The following ZNF316 variants were observed in gnomAD, a reference collection of about 807,000 sequenced individuals.
The protein encoded by ZNF316 is zinc finger protein 316.
ZNF316 carries 23 observed loss-of-function variants against 75.6 expected under a neutral mutation model. The observed-to-expected ratio is 0.30, with a 90% CI of 0.22 to 0.43. The LOEUF (loss-of-function observed/expected upper bound fraction) is 0.43, where lower values mean the gene tolerates loss of function less well. ZNF316 is among the 20% of genes least tolerant of loss of function. The pLI is 1.00. For missense variants in ZNF316, 1,266 were observed against 1,409.4 expected (o/e 0.90, Z 1.63); for synonymous variants, 827 against 666.2 (o/e 1.24, Z -3.72).
chr7:6,644,557 C>G lies in ZNF316; in HGVS notation c.670C>G (p.Pro224Ala). Reference protein sequence around the residue: ...EEPWVPDSPRPEEGDIVTGVY... With the variant: ...EEPWVPDSPRAEEGDIVTGVY... ...ACCTTGGGTCCCAGATAGTCCCCGA[C>G]CTGAGGAAGGAGACATCGTCACTGG... Residue 224 changes from proline (P) to alanine (A), a missense_variant, in exon 8 of 9, where the codon CCT (proline) becomes GCT (alanine). Transcript: ENST00000382252. 8.1e-7 allele frequency: 1 copy of G among 1,232,304 alleles called. No individual in the cohort carries two copies. Among genetic ancestry groups the G allele is most frequent in the South Asian group, 4.1e-5 (1 of 24,322 alleles). 76.3% of individuals were successfully genotyped at this position (1,232,304 alleles called of 1,614,324 possible). A position where few individuals can be genotyped will look rare whatever the true frequency, so the allele number is the denominator to read the frequency against.
chr7:6,637,479 G>T lies in ZNF316; in HGVS notation c.-431+32G>T. The T allele has an allele frequency of 6.8e-6, 1 of 146,434 alleles. No homozygotes were observed. Among genetic ancestry groups the T allele is most frequent in the South Asian group, 1.9e-4 (1 of 5,386 alleles). 9.1% of individuals were successfully genotyped at this position (146,434 alleles called of 1,614,324 possible). A position where few individuals can be genotyped will look rare whatever the true frequency, so the allele number is the denominator to read the frequency against. On this transcript the variant is annotated intron_variant, in intron 1 of 8. Coordinates refer to ENST00000382252, the MANE Select transcript of ZNF316 (RefSeq NM_001278559.2). The surrounding 1 kb of genome is among the most constrained non-coding windows in gnomAD (Gnocchi z 6.2). ...GGGTCTCGCGGGGCCGGTGGGCGGC[G>T]GCGCGGGCGGCAGGTGCGGGCGGGC...
intron 8 of ZNF316, among the ~76,000 whole-genome samples, chr7:6,647,892 C>G (rs1779436392): frequency 6.6e-6 from 1 of 152,168 alleles, no homozygotes; most frequent in South Asian, 2.1e-4. Flanking sequence ...GGGCCACTGT[C>G]TTCCCCACAG....
intron 8 of ZNF316, among the ~76,000 whole-genome samples, chr7:6,645,028 T>C (rs2253738): frequency 0.27 from 40,932 of 152,192 alleles, 6,144 homozygotes; most frequent in East Asian, 0.52. Flanking sequence ...TGGAGCACCA[T>C]GGGCAGGACT....
chr7:6,647,821 A>G (rs1779434687), intron 8 of ZNF316, among the ~76,000 whole-genome samples: 1 of 151,990 alleles, frequency 6.6e-6, no homozygotes, highest in Non-Finnish European at 1.5e-5. Context: ...GTGATGTGAG[A>G]TGTGTGTGGG....
chr7:6,648,113 A>G (rs1299016369), intron 8 of ZNF316, among the ~76,000 whole-genome samples: 2 of 152,184 alleles, frequency 1.3e-5, no homozygotes, highest in Non-Finnish European at 2.9e-5. Flanking sequence ...GGCTTTGGTG[A>G]TGCCGACGAG....
intron 8 of ZNF316, among the ~76,000 whole-genome samples, chr7:6,651,224 G>A (rs891286885): frequency 5.9e-5 from 9 of 151,964 alleles, no homozygotes; most frequent in African/African-American, 1.7e-4. Flanking sequence ...CTGGGCGCAC[G>A]CCTGTAACTC....
Position 6,657,987 on chromosome 7 carries a change from G to A in ZNF316, c.*3376G>A, listed in dbSNP as rs904179051. 6.6e-6 allele frequency among the ~76,000 whole-genome samples: 1 copy of A among 152,140 alleles called. No homozygotes were observed. Among genetic ancestry groups the A allele is most frequent in the African/African-American group, 2.4e-5 (1 of 41,414 alleles). On this transcript the variant is annotated 3_prime_UTR_variant, in exon 9 of 9. Coordinates refer to ENST00000382252, the MANE Select transcript of ZNF316 (RefSeq NM_001278559.2). Reference sequence around the variant, plus strand: ...GTAGACACCCTTTATTGCCAAGGAGGAATTAAACCCTAGTGACTTGTGAAA... The same window carrying A: ...GTAGACACCCTTTATTGCCAAGGAGAAATTAAACCCTAGTGACTTGTGAAA...
chr7:6,647,339 C>A (rs1458756737), intron 8 of ZNF316, among the ~76,000 whole-genome samples: 1 of 152,240 alleles, frequency 6.6e-6, no homozygotes, highest in African/African-American at 2.4e-5. Context: ...GCCCCGCCTC[C>A]CCCAAGCACC....
At position 6,652,776 on chromosome 7, in the gene ZNF316, A is replaced by G. The variant is rs1779533883; in HGVS notation, c.1180A>G (p.Thr394Ala). The G allele has an allele frequency of 7.9e-7, 1 of 1,273,034 alleles. No individual in the cohort carries two copies. Among genetic ancestry groups the G allele is most frequent in the Non-Finnish European group, 9.9e-7 (1 of 1,009,018 alleles). 78.9% of individuals were successfully genotyped at this position (1,273,034 alleles called of 1,614,324 possible). The change falls in exon 9 of 9, where the codon ACG (threonine) becomes GCG (alanine). Residue 394 changes from threonine (T) to alanine (A), a missense_variant. By Grantham distance (58) the Thr-to-Ala change is moderately conservative. Transcript: ENST00000382252. ...CTCGCACTTGGCCATCCACCAGCGCACGCACACCGGCGAGAAGCCCTTCCC... is the reference window on the plus strand; with the variant it reads ...CTCGCACTTGGCCATCCACCAGCGCGCGCACACCGGCGAGAAGCCCTTCCC... ...YRSHLAIHQR[T>A]HTGEKPFPCP...
intron 7 of ZNF316, 42 bp from the exon 8 acceptor site, chr7:6,644,438 C>T: frequency 1.8e-6 from 2 of 1,133,698 alleles, no homozygotes; most frequent in Non-Finnish European, 2.2e-6. Context: ...CAGGGGAGGG[C>T]CCACGGGAGC....
At position 6,655,573 on chromosome 7, in the gene ZNF316, C is replaced by T. The variant is rs1015648809; in HGVS notation, c.*962C>T. ...CGGGAGCAGGCAGACGCCCCGTTCT[C>T]GGAGCCCAGCGCTCACTTAGAGCGA... is the stretch of plus-strand genomic sequence containing the variant. On this transcript the variant is annotated 3_prime_UTR_variant, in exon 9 of 9. Transcript: ENST00000382252. 5 of 152,250 alleles carry T rather than the reference C, an allele frequency of 3.3e-5. No homozygotes were observed. The highest frequency in any genetic ancestry group is 4.8e-5 in the African/African-American group (2 of 41,458). 9.4% of individuals were successfully genotyped at this position (152,250 alleles called of 1,614,324 possible).
At position 6,637,513 on chromosome 7, in the gene ZNF316, C is replaced by G. The variant is rs1779235561; in HGVS notation, c.-431+66C>G. ...GGCAGGTGCGGGCGGGCCGGGCTTG[C>G]GCTCGGGGGCGGCGGCGGCGGCGGG... On this transcript the variant is annotated intron_variant, in intron 1 of 8. Transcript: ENST00000382252. This position sits in a 1 kb window ranked among gnomAD's most constrained non-coding sequence, Gnocchi z 6.2. 1 of 146,532 alleles carries G rather than the reference C, an allele frequency of 6.8e-6. No individual in the cohort carries two copies. The highest frequency in any genetic ancestry group is 6.8e-5 in the Admixed American group (1 of 14,690). 9.1% of individuals were successfully genotyped at this position (146,532 alleles called of 1,614,324 possible).
In ZNF316 at chr7:6,642,434, G is replaced by A. The variant is rs1779326923; in HGVS notation, c.25G>A (p.Asp9Asn). ...GATGGCGGCGCTCCACACGACTCCC[G>A]ACTCCCCAGCTGCCCAGCTGGAGCG... is the stretch of plus-strand genomic sequence containing the variant. The part of the protein sequence containing the change: MAALHTTP[D>N]SPAAQLERAE... The change falls in exon 5 of 9, where the codon GAC becomes AAC. Residue 9 changes from aspartate to asparagine, a missense_variant. Around this residue, in one of 3 missense-constraint regions of ZNF316, gnomAD observed 961 missense variants for 990.9 expected, o/e 0.97. Transcript: ENST00000382252. The surrounding 1 kb of genome is among the most constrained non-coding windows in gnomAD (Gnocchi z 8.1). 11 of 1,232,260 alleles carry A rather than the reference G, an allele frequency of 8.9e-6. No homozygotes were observed. The highest frequency in any genetic ancestry group is 3.1e-4 in the Middle Eastern group (1 of 3,228). The allele number at this position is 1,232,260 out of a possible 1,614,324, so 76.3% of individuals were successfully genotyped here.
In ZNF316 at chr7:6,653,491, T is replaced by C. The variant is rs2115320659; in HGVS notation, c.1895T>C (p.Leu632Pro). ...CGGCTGCCGGTCGACGGGCGCCCGC[T>C]CCCGGCGCCCCTGGGGGGCCCGCTC... Reference protein sequence around the residue: ...RERLPVDGRPLPAPLGGPLSL... With the variant: ...RERLPVDGRPPPAPLGGPLSL... The change falls in exon 9 of 9, where the codon CTC becomes CCC. Residue 632 changes from leucine to proline, a missense_variant. Around this residue, in one of 3 missense-constraint regions of ZNF316, gnomAD observed 961 missense variants for 990.9 expected, o/e 0.97. Transcript: ENST00000382252. 5 of 1,221,804 alleles carry C rather than the reference T, an allele frequency of 4.1e-6. No homozygotes were observed. Among genetic ancestry groups the C allele is most frequent in the Non-Finnish European group, 5.1e-6 (5 of 981,696 alleles). The allele number at this position is 1,221,804 out of a possible 1,614,324, so 75.7% of individuals were successfully genotyped here.
intron 8 of ZNF316, among the ~76,000 whole-genome samples, chr7:6,650,003 G>A (rs1348346825): frequency 1.3e-5 from 2 of 152,182 alleles, no homozygotes; most frequent in African/African-American, 2.4e-5. Flanking sequence ...GTTCTTTGAG[G>A]CTTATTATCC....
chr7:6,649,045 C>T (rs1779459525), intron 8 of ZNF316, among the ~76,000 whole-genome samples: 1 of 152,134 alleles, frequency 6.6e-6, no homozygotes, highest in South Asian at 2.1e-4. Flanking sequence ...CAGCTCCTGT[C>T]ACCTGCCGCT....
chr7:6,641,627 T>C (rs903764844), intron 3 of ZNF316, among the ~76,000 whole-genome samples, 198 bp from the exon 4 acceptor site: 5 of 152,258 alleles, frequency 3.3e-5, no homozygotes, highest in Non-Finnish European at 7.3e-5. Context: ...TAGGACGCTG[T>C]AGCCTCTAGG....
At chr7:6,651,718 G>A (rs1583446121) in intron 8 of ZNF316, among the ~76,000 whole-genome samples, 2 of 151,838 alleles carry the variant, frequency 1.3e-5, no homozygotes, top group East Asian at 2.0e-4. Context: ...AGCCAAGATC[G>A]AGCCACTGCA....
At position 6,652,349 on chromosome 7, in the gene ZNF316, C is replaced by T. The variant is rs1368874461; in HGVS notation, c.753C>T (p.Asp251=). ...TDDIEDHEEE[D]DEDFLAEVAE... ...ACATAGAGGACCACGAGGAGGAAGA[C>T]GACGAGGACTTCCTGGCGGAGGTGG... Residue 251 remains aspartate (D), a synonymous_variant, in exon 9 of 9, where the codon GAC becomes GAT. Coordinates refer to ENST00000382252, the MANE Select transcript of ZNF316 (RefSeq NM_001278559.2). 1.3e-5 allele frequency: 16 copies of T among 1,232,238 alleles called. No homozygotes were observed. Among genetic ancestry groups the T allele is most frequent in the Non-Finnish European group, 1.6e-5 (16 of 988,086 alleles). 76.3% of individuals were successfully genotyped at this position (1,232,238 alleles called of 1,614,324 possible).
Sources: allele counts gnomAD v4.1 joint callset (sites outside exome capture counted in the v4.1 genomes callset), GRCh38; gene constraint gnomAD v4.1.1; regional missense constraint gnomAD v4.1.1; non-coding constraint Gnocchi (gnomAD v3.1); transcripts MANE v1.5; gene names NCBI Gene and HGNC (gene_info 2026-07-23, HGNC 2026-07-21).